The following EYS variants were observed in gnomAD, a reference collection of about 807,000 sequenced individuals.
The protein encoded by EYS is EGF-like photoreceptor maintenance factor, also known as protein eyes shut homolog.
Under a neutral mutation model 282.1 loss-of-function variants are expected in EYS, and 250 were observed. That is an observed-to-expected ratio of 0.89 (90% CI 0.80 to 0.98). The LOEUF is 0.98. Ranked by LOEUF, EYS falls within the 50% of genes least tolerant of loss-of-function variation. EYS has a pLI of 0.00. For synonymous variants in EYS, 1,355 were observed against 1,282.9 expected, an observed-to-expected ratio of 1.06 and a Z score of -1.20; for missense variants, 4,016 against 3,709.0, an observed-to-expected ratio of 1.08 and a Z score of -2.15.
At chr6:64,243,207 C>G (rs1053309277) in intron 30 of EYS, among the ~76,000 whole-genome samples, 1 of 151,962 alleles carries the variant, frequency 6.6e-6, no homozygotes, top group African/African-American at 2.4e-5. Flanking sequence ...GGGGCAATCA[C>G]TCTCTGTGTT....
At chr6:64,405,296 A>T (rs946357870) in intron 28 of EYS, among the ~76,000 whole-genome samples, 3 of 152,154 alleles carry the variant, frequency 2.0e-5, no homozygotes, top group African/African-American at 7.2e-5. Flanking sequence ...TGTTCAGTGG[A>T]TGTTAGTTTT....
chr6:64,212,767 C>T (rs1172332595), intron 31 of EYS, among the ~76,000 whole-genome samples: 3 of 151,854 alleles, frequency 2.0e-5, no homozygotes, highest in Non-Finnish European at 4.4e-5. Context: ...GGGTATATAC[C>T]CAAAAGAATA....
chr6:64,196,961 T>C (rs1345993066), intron 31 of EYS, among the ~76,000 whole-genome samples: 1 of 152,088 alleles, frequency 6.6e-6, no homozygotes, highest in Non-Finnish European at 1.5e-5. Context: ...GTGGCTCCTG[T>C]TTGTCTTTAC....
intron 26 of EYS, among the ~76,000 whole-genome samples, chr6:64,551,110 A>T (rs1388315442): frequency 6.7e-6 from 1 of 149,556 alleles, no homozygotes; most frequent in Non-Finnish European, 1.5e-5. Flanking sequence ...TAAATGATAT[A>T]CACACGCATA....
chr6:65,022,032 A>C (rs548462496), intron 13 of EYS, among the ~76,000 whole-genome samples: 9 of 152,214 alleles, frequency 5.9e-5, no homozygotes, highest in Non-Finnish European at 1.2e-4. Context: ...TGAGGACTAC[A>C]ATTCAAGATG....
chr6:65,446,061 G>T (rs1016662792), intron 5 of EYS, among the ~76,000 whole-genome samples: 1 of 151,434 alleles, frequency 6.6e-6, no homozygotes, highest in African/African-American at 2.4e-5. Context: ...CAATCATAGC[G>T]AAATATTTTC....
chr6:65,010,053 C>T (rs1354441950), intron 13 of EYS, among the ~76,000 whole-genome samples: 1 of 152,176 alleles, frequency 6.6e-6, no homozygotes, highest in African/African-American at 2.4e-5. Context: ...GCTTTCCAGG[C>T]CCTAAAGAAG....
intron 12 of EYS, among the ~76,000 whole-genome samples, chr6:65,128,994 T>A (rs1775794282): frequency 6.6e-6 from 1 of 151,708 alleles, no homozygotes; most frequent in Non-Finnish European, 1.5e-5. Context: ...AATAAAGAGA[T>A]CAGATTAAGT....
chr6:64,679,326 G>GAT (rs1240965274), intron 22 of EYS, among the ~76,000 whole-genome samples: 6 of 151,986 alleles, frequency 3.9e-5, no homozygotes, highest in Admixed American at 2.0e-4. Context: ...TATCTTTTTG[G>GAT]ATATATATAG....
intron 33 of EYS, among the ~76,000 whole-genome samples, chr6:64,028,906 T>C (rs1199218263): frequency 6.6e-6 from 1 of 152,230 alleles, no homozygotes; most frequent in Non-Finnish European, 1.5e-5. Context: ...GGCCTAATCT[T>C]AGCCAGAGGG....
intron 14 of EYS, among the ~76,000 whole-genome samples, chr6:64,993,676 T>G (rs1771152424): frequency 1.3e-5 from 2 of 150,694 alleles, no homozygotes; most frequent in Non-Finnish European, 3.0e-5. Flanking sequence ...TGTATACATA[T>G]GTAACTAACC....
At chr6:65,112,681 A>C (rs1287149173) in intron 12 of EYS, among the ~76,000 whole-genome samples, 1 of 152,272 alleles carries the variant, frequency 6.6e-6, no homozygotes, top group East Asian at 1.9e-4. Context: ...GTAGCAGTGC[A>C]GTTTCTGGGT....
At chr6:64,239,477 T>C (rs753945674) in intron 30 of EYS, among the ~76,000 whole-genome samples, 5 of 152,198 alleles carry the variant, frequency 3.3e-5, no homozygotes, top group Non-Finnish European at 7.4e-5. Flanking sequence ...CTCATTGTGG[T>C]TTGATTTGCA....
chr6:63,739,295 CAT>C (rs1293023166), intron 41 of EYS, among the ~76,000 whole-genome samples: 2 of 152,026 alleles, frequency 1.3e-5, no homozygotes, highest in African/African-American at 2.4e-5. Context: ...TTGGAAGCAA[CAT>C]GTGTGAGGGA....
intron 30 of EYS, among the ~76,000 whole-genome samples, chr6:64,278,013 T>C (rs1768171824): frequency 6.6e-6 from 1 of 152,178 alleles, no homozygotes; most frequent in African/African-American, 2.4e-5. Flanking sequence ...AAAGGCCTAA[T>C]TATCTTTTAG....
intron 19 of EYS, among the ~76,000 whole-genome samples, chr6:64,864,480 G>C (rs1421196609): frequency 1.4e-5 from 2 of 144,636 alleles, no homozygotes; most frequent in African/African-American, 5.1e-5. Context: ...CCAACTCCCT[G>C]GTTCAAGTGA....
intron 5 of EYS, among the ~76,000 whole-genome samples, chr6:65,440,939 CTG>C (rs1307988102): frequency 6.9e-6 from 1 of 145,834 alleles, no homozygotes; most frequent in Non-Finnish European, 1.5e-5. Flanking sequence ...AAAACAGTGT[CTG>C]TATATGTATA....
chr6:63,738,131 T>C (rs1354607819), intron 41 of EYS, among the ~76,000 whole-genome samples: 1 of 152,194 alleles, frequency 6.6e-6, no homozygotes, highest in Non-Finnish European at 1.5e-5. Context: ...ACTTTTACAC[T>C]GTTGGTGGGA....
chr6:64,573,296 C>T (rs1463081708), intron 26 of EYS, among the ~76,000 whole-genome samples: 10 of 152,090 alleles, frequency 6.6e-5, no homozygotes, highest in South Asian at 2.1e-4. Flanking sequence ...AAGACTTAAA[C>T]GTAAGTCCTA....
Sources: gnomAD v4.1 joint callset for allele counts (sites outside exome capture counted in the v4.1 genomes callset) on GRCh38, gnomAD v4.1.1 for gene constraint, MANE v1.5 for transcripts, NCBI Gene and HGNC (gene_info 2026-07-23, HGNC 2026-07-21) for gene names.